Variants in ELFN1 observed in about 807,000 individuals in gnomAD.
The protein encoded by ELFN1 is extracellular leucine rich repeat and fibronectin type III domain containing 1.
ELFN1 carries 6 observed loss-of-function variants against 7.6 expected under a neutral mutation model. That is an observed-to-expected ratio of 0.79 (90% CI 0.43 to 1.56). The LOEUF is 1.56. Ranked by LOEUF, ELFN1 falls within the 40% of genes most tolerant of loss-of-function variation. The pLI, the probability that ELFN1 is intolerant of heterozygous loss-of-function variation, is 0.01. For missense variants in ELFN1, 1,169 were observed against 1,232.2 expected, an observed-to-expected ratio of 0.95 and a Z score of 0.77; for synonymous variants, 657 against 588.1, an observed-to-expected ratio of 1.12 and a Z score of -1.70.
chr7:1,698,416 T>C (rs972360225), intron 2 of ELFN1, among the ~76,000 whole-genome samples: 14 of 152,196 alleles, frequency 9.2e-5, no homozygotes, highest in Admixed American at 7.9e-4. Context: ...GAGGAATGGT[T>C]GGGCCACAGC....
chr7:1,666,104 A>C (rs1778667154), upstream of ELFN1, among the ~76,000 whole-genome samples: 1 of 151,682 alleles, frequency 6.6e-6, no homozygotes, highest in Admixed American at 6.6e-5. The surrounding 1 kb of genome is among the most constrained non-coding windows in gnomAD (Gnocchi z 7.9). Flanking sequence ...CGCTCGGGGA[A>C]CCGGGGTGCG....
chr7:1,730,207 C>T (rs955650792), intron 3 of ELFN1, among the ~76,000 whole-genome samples: 1 of 152,240 alleles, frequency 6.6e-6, no homozygotes, highest in African/African-American at 2.4e-5. Flanking sequence ...AGAAAATGAT[C>T]ATTCACTTTA....
intron 3 of ELFN1, among the ~76,000 whole-genome samples, chr7:1,714,298 A>T (rs1332547306): frequency 6.6e-6 from 1 of 152,054 alleles, no homozygotes; most frequent in Admixed American, 6.6e-5. Flanking sequence ...TAACCACCCC[A>T]GCCCTGCCCG....
Position 1,745,784 on chromosome 7 carries a change from C to T in ELFN1, c.1188C>T (p.Thr396=), listed in dbSNP as rs1451290396. Residue 396 remains threonine (T), a synonymous_variant, in exon 4 of 4, where the codon ACC becomes ACT. Transcript: ENST00000424383. ...TGCGCCACAACCACACCTGCCTCAC[C>T]ATCTGCTTGCCCCGGCTGCCCAGCC... ...AGLRHNHTCL[T]ICLPRLPSPP... is the part of the protein sequence containing the mutation. 6.4e-7 allele frequency: 1 copy of T among 1,555,310 alleles called. No individual in the cohort carries two copies. The highest frequency in any genetic ancestry group is 8.7e-7 in the Non-Finnish European group (1 of 1,150,404).
chr7:1,680,046 C>T (rs182988042), intron 1 of ELFN1, among the ~76,000 whole-genome samples: 25 of 152,370 alleles, frequency 1.6e-4, no homozygotes, highest in African/African-American at 3.1e-4. Flanking sequence ...ATGGGAGTTA[C>T]GCATTAGAAG....
Position 1,744,613 on chromosome 7 carries a change from G to T in ELFN1, c.17G>T (p.Trp6Leu), listed in dbSNP as rs751739457. 12 of 1,537,046 alleles carry T rather than the reference G, an allele frequency of 7.8e-6. No individual in the cohort carries two copies. In the South Asian group the frequency reaches 1.3e-4, roughly 17 times the overall value. The stretch of plus-strand genomic sequence containing the variant: ...GCGGTCCCGATGGCCGGGCGTGGGT[G>T]GGGCGCGCTGTGGGTGTGCGTGGCG... MAGRGWGALWVCVAAA... is the reference protein window; with the variant it reads MAGRGLGALWVCVAAA... The change falls in exon 4 of 4, where the codon TGG (tryptophan) becomes TTG (leucine). Residue 6 changes from tryptophan to leucine, a missense_variant. This residue lies in a region of ELFN1 where 255 missense variants were observed against 359.6 expected (regional missense o/e 0.71). Transcript: ENST00000424383.
Position 1,745,684 on chromosome 7 carries a change from A to G in ELFN1, c.1088A>G (p.Gln363Arg). ...ACCGTGTCCAGGCTGACCAAGGCCCAGGAGGAGATCCGTCTGACCAACCTG... is the reference window on the plus strand; with the variant it reads ...ACCGTGTCCAGGCTGACCAAGGCCCGGGAGGAGATCCGTCTGACCAACCTG... ...ASTVSRLTKA[Q>R]EEIRLTNLFT... is the part of the protein sequence containing the mutation. Residue 363 changes from glutamine (Q) to arginine (R), a missense_variant, in exon 4 of 4, where the codon CAG becomes CGG. By Grantham distance (43) the Gln-to-Arg change is conservative. Transcript: ENST00000424383. The G allele has an allele frequency of 6.4e-7, 1 of 1,551,412 alleles. No homozygotes were observed. The highest frequency in any genetic ancestry group is 8.7e-7 in the Non-Finnish European group (1 of 1,146,984).
chr7:1,674,662 G>A (rs1428116673), intron 1 of ELFN1, among the ~76,000 whole-genome samples: 2 of 152,152 alleles, frequency 1.3e-5, no homozygotes, highest in African/African-American at 2.4e-5. Flanking sequence ...CTGCCCTAAT[G>A]TCTTCCTCTG....
intron 1 of ELFN1, among the ~76,000 whole-genome samples, chr7:1,671,733 C>T (rs776103034): frequency 1.1e-4 from 16 of 152,276 alleles, no homozygotes; most frequent in Non-Finnish European, 2.2e-4. Context: ...CCCTGGGTCC[C>T]TGCCCCTGCC....
In ELFN1 at chr7:1,705,069, G is replaced by T. The variant is rs971291468; in HGVS notation, c.-455-4022G>T. Reference sequence around the variant, plus strand: ...CAGAGGTGGAGACCTGCTGGGGTGGGGGGCGCGTACTGGAGAACAGAGGGA... The same window carrying T: ...CAGAGGTGGAGACCTGCTGGGGTGGTGGGCGCGTACTGGAGAACAGAGGGA... On this transcript the variant is annotated intron_variant, in intron 2 of 3. Coordinates refer to ENST00000424383, the MANE Select transcript of ELFN1 (RefSeq NM_001128636.4). This position sits in a 1 kb window ranked among gnomAD's most constrained non-coding sequence, Gnocchi z 4.3. Among the ~76,000 whole-genome samples the T allele has an allele frequency of 6.6e-6, 1 of 152,136 alleles. No homozygotes were observed. The highest frequency in any genetic ancestry group is 1.5e-5 in the Non-Finnish European group (1 of 68,010).
chr7:1,745,438 C>T lies in ELFN1; in HGVS notation c.842C>T (p.Pro281Leu), dbSNP rs1053391649. 49 of 1,539,702 alleles carry T rather than the reference C, an allele frequency of 3.2e-5. No individual in the cohort carries two copies. The highest frequency in any genetic ancestry group is 1.8e-4 in the Admixed American group (9 of 50,936). ...GGCCGCTCCCCGCCGCCCCCGCCTC[C>T]GCCGGAGCCCAGTGACATGCCCTGT... Reference protein sequence around the residue: ...QPGRSPPPPPPPEPSDMPCAD... With the variant: ...QPGRSPPPPPLPEPSDMPCAD... Residue 281 changes from proline to leucine, a missense_variant, in exon 4 of 4, where the codon CCG becomes CTG. Physicochemically the swap from Pro to Leu is moderately conservative, Grantham distance 98. This residue lies in a region of ELFN1 where 914 missense variants were observed against 872.6 expected (regional missense o/e 1.05). Transcript: ENST00000424383.
At chr7:1,693,431 T>C (rs1180817035) in intron 2 of ELFN1, 1 of 471,116 alleles carries the variant, frequency 2.1e-6, no homozygotes, top group Non-Finnish European at 4.4e-6. Flanking sequence ...TGTGTACACA[T>C]AGGTGACATG....
At chr7:1,713,128 C>A (rs1167120401) in intron 3 of ELFN1, among the ~76,000 whole-genome samples, 1 of 152,234 alleles carries the variant, frequency 6.6e-6, no homozygotes, top group Non-Finnish European at 1.5e-5. Flanking sequence ...GTGGGATCAC[C>A]CCAGCCCCAT....
rs559043935 is a variant in ELFN1, at chr7:1,674,099, A to C, written c.-549+3745A>C. 5.8e-4 allele frequency among the ~76,000 whole-genome samples: 87 copies of C among 150,900 alleles called. 1 individual carries two copies. The South Asian group carries it at 0.018, about 31-fold the overall frequency. ...CCCTGCTCCGGGCCGTGAGGGGTGC[A>C]CAGGAGCCAGTGGGGAAACTGAGTC... On this transcript the variant is annotated intron_variant, in intron 1 of 3. Coordinates refer to ENST00000424383, the MANE Select transcript of ELFN1 (RefSeq NM_001128636.4).
Position 1,746,607 on chromosome 7 carries a change from G to A in ELFN1, c.2011G>A (p.Glu671Lys), listed in dbSNP as rs1342712321. The A allele has an allele frequency of 7.4e-6, 10 of 1,349,556 alleles. No individual in the cohort carries two copies. The highest frequency in any genetic ancestry group is 4.0e-5 in the Admixed American group (1 of 24,978). 83.6% of individuals were successfully genotyped at this position (1,349,556 alleles called of 1,614,324 possible). The part of the protein sequence containing the change: ...KAAAAEAKYI[E>K]KGSPAADAIL... ...CGCGGCCGCCGAGGCCAAGTACATC[G>A]AGAAGGGCTCCCCCGCGGCCGACGC... Residue 671 changes from glutamate (E) to lysine (K), a missense_variant, in exon 4 of 4, where the codon GAG becomes AAG. Physicochemically the swap from Glu to Lys is moderately conservative, Grantham distance 56 (BLOSUM62 1). Coordinates refer to ENST00000424383, the MANE Select transcript of ELFN1 (RefSeq NM_001128636.4).
chr7:1,738,651 C>A (rs1200733291), intron 3 of ELFN1: 1 of 151,974 alleles, frequency 6.6e-6, no homozygotes, highest in African/African-American at 2.4e-5. Context: ...CCACAAGCTC[C>A]CTGGGAGGAG....
rs1223738207 is a variant in ELFN1, at chr7:1,744,212, A to G, written c.-293-92A>G. 2.9e-5 allele frequency: 7 copies of G among 245,042 alleles called. No individual in the cohort carries two copies. In the East Asian group the frequency reaches 6.3e-4, roughly 22 times the overall value. 15.2% of individuals were successfully genotyped at this position (245,042 alleles called of 1,614,324 possible). A position where few individuals can be genotyped will look rare whatever the true frequency, so the allele number is the denominator to read the frequency against. ...TCAGCGGAGCAGGGACTCAGGCCAC[A>G]TTGGGATGCCGCCGCTGTGAGATGC... On this transcript the variant is annotated intron_variant, in intron 3 of 3. Coordinates refer to ENST00000424383, the MANE Select transcript of ELFN1 (RefSeq NM_001128636.4).
Position 1,738,388 on chromosome 7 carries a change from G to A in ELFN1, c.-293-5916G>A, listed in dbSNP as rs200611667. On this transcript the variant is annotated intron_variant, in intron 3 of 3. Coordinates refer to ENST00000424383, the MANE Select transcript of ELFN1 (RefSeq NM_001128636.4). ...GGGTTAGGACCCCCTAACCCCCTGC[G>A]GGCATGTCATATCTTTCCTGAGGGG... Among the ~76,000 whole-genome samples, 7 of 152,156 alleles carry A rather than the reference G, an allele frequency of 4.6e-5. No homozygotes were observed. The East Asian group carries it at 5.8e-4, about 13-fold the overall frequency.
chr7:1,692,509 A>G (rs6965308), intron 2 of ELFN1: 149,955 of 152,568 alleles, frequency 0.98, 73,695 homozygotes, highest in East Asian at 1. Context: ...GCATGGAGCT[A>G]GGGAAGAGAC....
Sources: allele counts gnomAD v4.1 joint callset (sites outside exome capture counted in the v4.1 genomes callset), GRCh38; gene constraint gnomAD v4.1.1; regional missense constraint gnomAD v4.1.1; non-coding constraint Gnocchi (gnomAD v3.1); transcripts MANE v1.5; gene names NCBI Gene and HGNC (gene_info 2026-07-23, HGNC 2026-07-21).